Variants in FMNL2 observed in about 807,000 individuals in gnomAD.
The protein encoded by FMNL2 is formin like 2, also known as formin-like protein 2.
In FMNL2, 51 loss-of-function variants were observed where a neutral mutation model predicts 130.2. That is an observed-to-expected ratio of 0.39 (90% confidence interval 0.31 to 0.49). FMNL2 has a LOEUF of 0.49. FMNL2 is among the 20% of genes least tolerant of loss of function. The probability of loss-of-function intolerance (pLI) is 0.85; values close to 1 mark genes in which losing one functional copy is unlikely to be tolerated. For missense variants in FMNL2, 977 were observed against 1,316.2 expected, an observed-to-expected ratio of 0.74 and a Z score of 3.99; for synonymous variants, 465 against 467.1, an observed-to-expected ratio of 1.00 and a Z score of 0.06.
chr2:152,361,482 C>G (rs1222391784), intron 1 of FMNL2, among the ~76,000 whole-genome samples: 1 of 152,026 alleles, frequency 6.6e-6, no homozygotes, highest in Non-Finnish European at 1.5e-5. Flanking sequence ...CTGTTTCTAC[C>G]TACATCTGCG....
At chr2:152,569,683 AAAAAAAAAAAAAAAGGAAGTT>A (rs1213201564) in intron 6 of FMNL2, among the ~76,000 whole-genome samples, 2 of 9,166 alleles carry the variant, frequency 2.2e-4, no homozygotes, top group African/African-American at 5.6e-4. Flanking sequence ...CCTGTCTCAA[AAAAAAAAAAAAAAAGGAAGTT>A]AAAAAAAAAA....
chr2:152,384,797 C>T (rs1209137707), intron 1 of FMNL2, among the ~76,000 whole-genome samples: 1 of 152,136 alleles, frequency 6.6e-6, no homozygotes, highest in East Asian at 1.9e-4. Flanking sequence ...GGTCCAGAGC[C>T]TGCACACGTT....
rs1695496926 is a variant in FMNL2 at position 152,561,088 on chromosome 2, G to T, written c.596+53G>T. ...TTGGCAGGATGCACTGGGACAGCAG[G>T]CTCCTACTTCTTTTGATGATTCTGG... On this transcript the variant is annotated intron_variant, in intron 6 of 25. Coordinates refer to ENST00000288670, the MANE Select transcript of FMNL2 (RefSeq NM_052905.4). The T allele has an allele frequency of 3.3e-6, 5 of 1,510,916 alleles. No homozygotes were observed. The South Asian group carries it at 5.1e-5, about 15-fold the overall frequency. The allele number at this position is 1,510,916 out of a possible 1,614,324, so 93.6% of individuals were successfully genotyped here.
At chr2:152,448,223 A>T (rs181725117) in intron 1 of FMNL2, among the ~76,000 whole-genome samples, 36 of 152,192 alleles carry the variant, frequency 2.4e-4, no homozygotes, top group African/African-American at 8.2e-4. Flanking sequence ...AAAAACACAT[A>T]ATAACAGAAG....
At chr2:152,390,463 A>G in intron 1 of FMNL2, 3 of 1,424,340 alleles carry the variant, frequency 2.1e-6, no homozygotes, top group Non-Finnish European at 3.0e-6. Context: ...GAGAATTCCA[A>G]GCTGTCAGAC....
chr2:152,522,312 C>T (rs1022177621), intron 2 of FMNL2, among the ~76,000 whole-genome samples: 10 of 152,236 alleles, frequency 6.6e-5, no homozygotes, highest in East Asian at 1.9e-4. Flanking sequence ...TTTGTTTGAT[C>T]GTAAAGTACA....
At chr2:152,568,691 A>C (rs1325279612) in intron 6 of FMNL2, among the ~76,000 whole-genome samples, 1 of 152,186 alleles carries the variant, frequency 6.6e-6, no homozygotes, top group East Asian at 1.9e-4. Flanking sequence ...ACATGGTGAC[A>C]ACAAGAAGTG....
At chr2:152,588,157 G>A (rs1441654765) in intron 9 of FMNL2, among the ~76,000 whole-genome samples, 3 of 152,202 alleles carry the variant, frequency 2.0e-5, no homozygotes, top group Non-Finnish European at 4.4e-5. Flanking sequence ...TAGACCAGAA[G>A]AATAAAATGA....
intron 1 of FMNL2, among the ~76,000 whole-genome samples, chr2:152,395,896 T>C (rs1301993293): frequency 4.7e-4 from 1 of 2,120 alleles, no homozygotes; most frequent in Non-Finnish European, 9.9e-4. Context: ...TGGGGGTGGG[T>C]GGGCCAGGGG....
intron 12 of FMNL2, among the ~76,000 whole-genome samples, chr2:152,615,725 T>C (rs1698911932): frequency 6.6e-6 from 1 of 152,234 alleles, no homozygotes. Flanking sequence ...CCAAGCATTA[T>C]GAAGACCAAA....
chr2:152,516,860 C>T (rs1278371223), intron 1 of FMNL2, among the ~76,000 whole-genome samples: 1 of 152,030 alleles, frequency 6.6e-6, no homozygotes, highest in East Asian at 1.9e-4. Context: ...TTCTTCTTCA[C>T]CATAATTACT....
chr2:152,603,984 T>G (rs1449162944), intron 9 of FMNL2, among the ~76,000 whole-genome samples: 1 of 151,018 alleles, frequency 6.6e-6, no homozygotes, highest in African/African-American at 2.4e-5. Context: ...ATTCACAGAT[T>G]TCTAGGCCCA....
chr2:152,336,463 C>T (rs984089475), intron 1 of FMNL2, among the ~76,000 whole-genome samples: 1 of 152,158 alleles, frequency 6.6e-6, no homozygotes, highest in African/African-American at 2.4e-5. Flanking sequence ...CACGGGCGAC[C>T]CCTCCCCTCC....
chr2:152,494,134 C>T (rs1177475487), intron 1 of FMNL2, among the ~76,000 whole-genome samples: 2 of 152,206 alleles, frequency 1.3e-5, no homozygotes, highest in Non-Finnish European at 2.9e-5. Flanking sequence ...GGGGCAGTTC[C>T]TCTGGAAGAC....
intron 1 of FMNL2, among the ~76,000 whole-genome samples, chr2:152,400,038 T>A (rs1044805044): frequency 1.3e-5 from 2 of 152,128 alleles, no homozygotes; most frequent in African/African-American, 4.8e-5. Context: ...CATTTTGTTT[T>A]GATGAGTTGA....
At chr2:152,644,661 C>T (rs1013339556) in intron 25 of FMNL2, among the ~76,000 whole-genome samples, 3 of 152,158 alleles carry the variant, frequency 2.0e-5, no homozygotes, top group African/African-American at 7.2e-5. Context: ...TTAGGTCCTC[C>T]CACTGTCTTA....
At chr2:152,585,225 C>G (rs891381255) in intron 9 of FMNL2, among the ~76,000 whole-genome samples, 3 of 151,854 alleles carry the variant, frequency 2.0e-5, no homozygotes, top group African/African-American at 7.3e-5. Context: ...TATCTCTTAA[C>G]GAAAATTTAT....
At chr2:152,625,356 C>G (rs1217556024) in intron 15 of FMNL2, 82 bp from the exon 16 acceptor site, 4 of 1,494,688 alleles carry the variant, frequency 2.7e-6, no homozygotes, top group Non-Finnish European at 2.7e-6. Context: ...AAAGTGTCAT[C>G]TGCAAGGACT....
At chr2:152,412,206 G>A (rs2106003381) in intron 1 of FMNL2, among the ~76,000 whole-genome samples, 1 of 151,878 alleles carries the variant, frequency 6.6e-6, no homozygotes, top group African/African-American at 2.4e-5. Flanking sequence ...CTTGGCAGGT[G>A]GCATTTGGAG....
Sources: gnomAD v4.1 joint callset for allele counts (sites outside exome capture counted in the v4.1 genomes callset) on GRCh38, gnomAD v4.1.1 for gene constraint, MANE v1.5 for transcripts, NCBI Gene and HGNC (gene_info 2026-07-23, HGNC 2026-07-21) for gene names.